POLR3B: variants seen among roughly 807,000 people sequenced by gnomAD.
The protein encoded by POLR3B is DNA-directed RNA polymerase III subunit RPC2.
A neutral mutation model predicts 147.4 loss-of-function variants in POLR3B; 96 were observed. The ratio of observed to expected loss-of-function variants is 0.65; its 90% confidence interval spans 0.55 to 0.77. The LOEUF (loss-of-function observed/expected upper bound fraction) is 0.77, where lower values mean the gene tolerates loss of function less well. Ranked by LOEUF, POLR3B falls within the 30% of genes least tolerant of loss-of-function variation. The pLI is 0.00. For synonymous variants in POLR3B, 461 were observed against 485.9 expected, an observed-to-expected ratio of 0.95 and a Z score of 0.67; for missense variants, 1,036 against 1,413.5, an observed-to-expected ratio of 0.73 and a Z score of 4.28.
chr12:106,441,162 T>C (rs2037646602), intron 18 of POLR3B, among the ~76,000 whole-genome samples: 1 of 152,144 alleles, frequency 6.6e-6, no homozygotes, highest in South Asian at 2.1e-4. Flanking sequence ...TGATAACATT[T>C]CCAGTGCCTT....
At chr12:106,362,840 A>G (rs2036487504) in intron 1 of POLR3B, among the ~76,000 whole-genome samples, 1 of 152,032 alleles carries the variant, frequency 6.6e-6, no homozygotes, top group African/African-American at 2.4e-5. Context: ...TATATAATAA[A>G]ATGTATGGAT....
chr12:106,376,544 C>G, intron 7 of POLR3B, 94 bp downstream of exon 7: 1 of 865,668 alleles, frequency 1.2e-6, no homozygotes, highest in Non-Finnish European at 1.9e-6. Flanking sequence ...ACAGTACCAG[C>G]TTTTCTACTT....
chr12:106,479,796 C>CTTCTTTTCTTTTCTTTTCTT (rs71072680), intron 23 of POLR3B, among the ~76,000 whole-genome samples: 6,373 of 133,964 alleles, frequency 0.048, 481 homozygotes, highest in African/African-American at 0.13. Flanking sequence ...TCTTTCCTTC[C>CTTCTTTTCTTTTCTTTTCTT]TTCTTTTCTT....
rs1454965408 is a variant in POLR3B, at chr12:106,509,342, A to C, written c.3273-78A>C. Reference sequence around the variant, plus strand: ...ATAGAATGATAATAGAACTTTATAGAGACCATTCTCACTTCCTACGTGGAG... The same window carrying C: ...ATAGAATGATAATAGAACTTTATAGCGACCATTCTCACTTCCTACGTGGAG... On this transcript the variant is annotated intron_variant, in intron 27 of 27. Coordinates refer to ENST00000228347, the MANE Select transcript of POLR3B (RefSeq NM_018082.6). 2.1e-6 allele frequency: 3 copies of C among 1,407,166 alleles called. No individual in the cohort carries two copies. In the African/African-American group the frequency reaches 4.2e-5, roughly 20 times the overall value. 87.2% of individuals were successfully genotyped at this position (1,407,166 alleles called of 1,614,324 possible). A position where few individuals can be genotyped will look rare whatever the true frequency, so the allele number is the denominator to read the frequency against.
intron 23 of POLR3B, among the ~76,000 whole-genome samples, chr12:106,488,063 G>A (rs1454483056): frequency 1.3e-5 from 2 of 152,196 alleles, no homozygotes; most frequent in African/African-American, 4.8e-5. Context: ...CAAGTAATGA[G>A]GAACCATGTT....
chr12:106,464,239 T>G (rs1432215678), intron 23 of POLR3B, among the ~76,000 whole-genome samples: 1 of 152,132 alleles, frequency 6.6e-6, no homozygotes, highest in Non-Finnish European at 1.5e-5. Context: ...CTATTTGTAG[T>G]TTTGTTTATT....
At chr12:106,363,832 G>A (rs1035543016) in intron 1 of POLR3B, 38 bp from the exon 2 acceptor site, 2 of 1,536,864 alleles carry the variant, frequency 1.3e-6, no homozygotes, top group African/African-American at 1.4e-5. Context: ...ACTGTTGCTG[G>A]TACAGAGTTC....
intron 19 of POLR3B, among the ~76,000 whole-genome samples, chr12:106,453,795 C>A (rs898640140): frequency 1.3e-5 from 2 of 152,058 alleles, no homozygotes; most frequent in African/African-American, 4.8e-5. Flanking sequence ...AACACCCATC[C>A]GAGGAACAAT....
At chr12:106,466,910 GC>G (rs1431068457) in intron 23 of POLR3B, among the ~76,000 whole-genome samples, 1 of 152,146 alleles carries the variant, frequency 6.6e-6, no homozygotes, top group Non-Finnish European at 1.5e-5. Flanking sequence ...TGTTCTTCTT[GC>G]CCAGGATTGT....
At chr12:106,382,171 G>A (rs1447397479) in intron 9 of POLR3B, 1 of 152,456 alleles carries the variant, frequency 6.6e-6, no homozygotes, top group Non-Finnish European at 1.5e-5. Context: ...CAGCCCAGTA[G>A]GTCTCAGCCT....
Position 106,357,812 on chromosome 12 carries a change from G to C in POLR3B, c.-68G>C. 2 of 1,476,148 alleles carry C rather than the reference G, an allele frequency of 1.4e-6. No homozygotes were observed. The highest frequency in any genetic ancestry group is 1.9e-6 in the Non-Finnish European group (2 of 1,068,592). The allele number at this position is 1,476,148 out of a possible 1,614,324, so 91.4% of individuals were successfully genotyped here. ...CCGCGCACCGTTCGCCGGGAGTCTT[G>C]CAGTTTGCTTGGTGCAGGGAAGGCG... On this transcript the variant is annotated 5_prime_UTR_variant, in exon 1 of 28. Transcript: ENST00000228347.
chr12:106,432,798 T>C (rs1322515151), intron 15 of POLR3B, among the ~76,000 whole-genome samples: 1 of 152,206 alleles, frequency 6.6e-6, no homozygotes, highest in Non-Finnish European at 1.5e-5. Flanking sequence ...AGTCAAATAT[T>C]GGAGTCATTC....
At chr12:106,406,170 G>A (rs905206446) in intron 11 of POLR3B, among the ~76,000 whole-genome samples, 194 bp downstream of exon 11, 2 of 152,032 alleles carry the variant, frequency 1.3e-5, no homozygotes, top group Non-Finnish European at 2.9e-5. Flanking sequence ...TAGCTGTATC[G>A]CCATCATCAT....
chr12:106,384,605 A>G (rs1357344172), intron 9 of POLR3B, among the ~76,000 whole-genome samples: 3 of 152,044 alleles, frequency 2.0e-5, no homozygotes, highest in Non-Finnish European at 4.4e-5. Context: ...TTTGCAGTCT[A>G]TTTAGTGCCG....
chr12:106,376,874 A>G (rs941885589), intron 7 of POLR3B, among the ~76,000 whole-genome samples: 3 of 152,194 alleles, frequency 2.0e-5, no homozygotes, highest in Admixed American at 2.0e-4. Context: ...AAGTGCTGGG[A>G]TTACAGGCGT....
At chr12:106,427,021 A>G (rs893660259) in intron 12 of POLR3B, among the ~76,000 whole-genome samples, 176 bp from the exon 13 acceptor site, 2 of 152,152 alleles carry the variant, frequency 1.3e-5, no homozygotes, top group Non-Finnish European at 2.9e-5. Context: ...CACGGTGTTA[A>G]GCACATAGAA....
chr12:106,496,573 A>G (rs925328925), intron 24 of POLR3B, 179 bp from the exon 25 acceptor site: 4 of 643,024 alleles, frequency 6.2e-6, no homozygotes, highest in Non-Finnish European at 1.1e-5. Flanking sequence ...TATAGGACCT[A>G]TCTCATAGGG....
chr12:106,481,499 G>A (rs1356759548), intron 23 of POLR3B, among the ~76,000 whole-genome samples: 1 of 152,156 alleles, frequency 6.6e-6, no homozygotes, highest in African/African-American at 2.4e-5. Flanking sequence ...CCCAGGAATC[G>A]GGTGGGTGAG....
chr12:106,390,703 C>CA (rs35671254), intron 9 of POLR3B, among the ~76,000 whole-genome samples: 52,333 of 117,246 alleles, frequency 0.45, 10,673 homozygotes, highest in African/African-American at 0.62. Context: ...AACTTGTTTG[C>CA]AAAAAAAAAA....
Sources: gnomAD v4.1 joint callset for allele counts (sites outside exome capture counted in the v4.1 genomes callset) on GRCh38, gnomAD v4.1.1 for gene constraint, MANE v1.5 for transcripts, NCBI Gene and HGNC (gene_info 2026-07-23, HGNC 2026-07-21) for gene names.